The following UBE2R2 variants were observed in gnomAD, a reference collection of about 807,000 sequenced individuals.
The protein encoded by UBE2R2 is ubiquitin-conjugating enzyme E2 R2.
In UBE2R2, 1 loss-of-function variant was observed where a neutral mutation model predicts 27.8. The ratio of observed to expected loss-of-function variants is 0.04; its 90% CI spans 0.01 to 0.17. UBE2R2 has a LOEUF of 0.17. UBE2R2 is among the 10% of genes least tolerant of loss of function. The pLI is 1.00. For missense variants in UBE2R2, 100 were observed against 291.0 expected, an observed-to-expected ratio of 0.34 and a Z score of 4.78; for synonymous variants, 106 against 113.3, an observed-to-expected ratio of 0.94 and a Z score of 0.41.
chr9:33,873,819 T>C (rs1452509184), intron 1 of UBE2R2, among the ~76,000 whole-genome samples: 2 of 151,912 alleles, frequency 1.3e-5, no homozygotes, highest in African/African-American at 4.8e-5. Flanking sequence ...AAAATTACGG[T>C]GTGTGTGGAG....
rs970045420 is a variant in UBE2R2 at position 33,903,960 on chromosome 9, A to G, written c.362+3689A>G. Among the ~76,000 whole-genome samples, 115 of 152,144 alleles carry G rather than the reference A, an allele frequency of 7.6e-4. 1 individual carries two copies. The highest frequency in any genetic ancestry group is 2.5e-3 in the African/African-American group (105 of 41,432). On this transcript the variant is annotated intron_variant, in intron 3 of 4. Transcript: ENST00000263228. ...CTTAGACTTTTTATCACTTAGTTCT[A>G]TGTAATCATTGGGTAGTCCTTCAAC...
intron 1 of UBE2R2, among the ~76,000 whole-genome samples, chr9:33,872,262 G>A (rs2130781135): frequency 6.6e-6 from 1 of 151,618 alleles, no homozygotes; most frequent in African/African-American, 2.4e-5. Flanking sequence ...GCGTGGTGGT[G>A]TATACCTGTA....
intron 1 of UBE2R2, among the ~76,000 whole-genome samples, chr9:33,855,337 T>C (rs1356469324): frequency 6.6e-6 from 1 of 152,194 alleles, no homozygotes; most frequent in African/African-American, 2.4e-5. Flanking sequence ...GACCAAGAAC[T>C]TAAAATAAGC....
chr9:33,915,949 G>A (rs866512288), intron 4 of UBE2R2, among the ~76,000 whole-genome samples: 1 of 152,140 alleles, frequency 6.6e-6, no homozygotes, highest in Non-Finnish European at 1.5e-5. Flanking sequence ...TGTGGGGCAG[G>A]GGAAGAGCAA....
At chr9:33,828,512 C>T (rs931081697) in intron 1 of UBE2R2, among the ~76,000 whole-genome samples, 2 of 151,424 alleles carry the variant, frequency 1.3e-5, no homozygotes, top group Non-Finnish European at 2.9e-5. Context: ...GCCTTAGCCT[C>T]CAAGTAGCTG....
At chr9:33,909,078 A>G (rs1450540934) in intron 3 of UBE2R2, among the ~76,000 whole-genome samples, 4 of 152,198 alleles carry the variant, frequency 2.6e-5, no homozygotes, top group African/African-American at 9.7e-5. Context: ...AGTGCTTAGT[A>G]GCTGCATGTG....
At chr9:33,890,007 A>G (rs2130799120) in intron 2 of UBE2R2, among the ~76,000 whole-genome samples, 1 of 152,302 alleles carries the variant, frequency 6.6e-6, no homozygotes, top group Middle Eastern at 3.4e-3. Flanking sequence ...AAAGCCATAT[A>G]CATACTATTT....
At chr9:33,834,435 C>T (rs1210133274) in intron 1 of UBE2R2, among the ~76,000 whole-genome samples, 2 of 151,836 alleles carry the variant, frequency 1.3e-5, no homozygotes, top group Non-Finnish European at 2.9e-5. Flanking sequence ...TGGTCTCGCA[C>T]TCCTGACCTT....
chr9:33,910,934 C>A (rs1310652125), intron 3 of UBE2R2, among the ~76,000 whole-genome samples: 1 of 152,136 alleles, frequency 6.6e-6, no homozygotes, highest in East Asian at 1.9e-4. Flanking sequence ...GAAACCCTGT[C>A]CCTACTAAAA....
At chr9:33,904,608 A>T (rs1822312775) in intron 3 of UBE2R2, among the ~76,000 whole-genome samples, 3 of 152,224 alleles carry the variant, frequency 2.0e-5, no homozygotes, top group Admixed American at 1.3e-4. Context: ...TCAAGAGTCT[A>T]AGTCAGTCTG....
intron 1 of UBE2R2, among the ~76,000 whole-genome samples, chr9:33,873,294 C>G (rs545876064): frequency 1.3e-4 from 19 of 151,298 alleles, no homozygotes; most frequent in African/African-American, 4.4e-4. Context: ...TGTTTTTTTC[C>G]CCCACCCCTT....
upstream of UBE2R2, among the ~76,000 whole-genome samples, chr9:33,817,137 TCTCCCTCCCTCCCTCC>T (rs1173275925): frequency 1.4e-5 from 2 of 146,982 alleles, no homozygotes; most frequent in Non-Finnish European, 3.0e-5. Context: ...CTCCTCCCTC[TCTCCCTCCCTCCCTCC>T]CTCCCTGCTT....
chr9:33,879,732 C>T (rs1196567727), intron 1 of UBE2R2, among the ~76,000 whole-genome samples: 4 of 146,832 alleles, frequency 2.7e-5, no homozygotes, highest in East Asian at 3.9e-4. Flanking sequence ...GCACAAGCCA[C>T]GGCGCCTGGT....
At position 33,919,729 on chromosome 9, in the gene UBE2R2, T is replaced by G. The variant is rs980986702; in HGVS notation, c.*2492T>G. 6.6e-6 allele frequency: 1 copy of G among 151,602 alleles called. No homozygotes were observed. Among genetic ancestry groups the G allele is most frequent in the African/African-American group, 2.4e-5 (1 of 40,980 alleles). 9.4% of individuals were successfully genotyped at this position (151,602 alleles called of 1,614,324 possible). On this transcript the variant is annotated 3_prime_UTR_variant, in exon 5 of 5. Coordinates refer to ENST00000263228, the MANE Select transcript of UBE2R2 (RefSeq NM_017811.4). ...TGGAAAATACTTGAGTTTGTAATTT[T>G]TTTTCCCCCTTCTGGGAGTGGAGGT... is the stretch of plus-strand genomic sequence containing the variant.
At chr9:33,864,670 C>T (rs561424355) in intron 1 of UBE2R2, among the ~76,000 whole-genome samples, 1 of 151,486 alleles carries the variant, frequency 6.6e-6, no homozygotes, top group Admixed American at 6.6e-5. Flanking sequence ...CCGCTGAAGC[C>T]TCCTGAGTAG....
Position 33,817,528 on chromosome 9 carries a change from C to A in UBE2R2, c.-230C>A. 1 of 253,374 alleles carries A rather than the reference C, an allele frequency of 3.9e-6. No individual in the cohort carries two copies. The highest frequency in any genetic ancestry group is 6.7e-6 in the Non-Finnish European group (1 of 149,908). 15.7% of individuals were successfully genotyped at this position (253,374 alleles called of 1,614,324 possible). On this transcript the variant is annotated 5_prime_UTR_variant, in exon 1 of 5. Coordinates refer to ENST00000263228, the MANE Select transcript of UBE2R2 (RefSeq NM_017811.4). ...AACTCCCTCGACCTCTCCTCTCGCC[C>A]GGCCCGAGTGTGAGGAGAAGGGCCC...
chr9:33,903,806 T>C (rs1019802471), intron 3 of UBE2R2, among the ~76,000 whole-genome samples: 2 of 152,126 alleles, frequency 1.3e-5, no homozygotes, highest in Non-Finnish European at 2.9e-5. Flanking sequence ...CATACTCAAA[T>C]CAAGATTGTT....
intron 3 of UBE2R2, 43 bp from the exon 4 acceptor site, chr9:33,911,921 T>G (rs770823987): frequency 1.3e-6 from 2 of 1,569,720 alleles, no homozygotes; most frequent in African/African-American, 1.4e-5. Flanking sequence ...TTAAATACTG[T>G]AAATATGGGT....
In UBE2R2 at chr9:33,918,344, G is replaced by A. The variant is rs1822707953; in HGVS notation, c.*1107G>A. On this transcript the variant is annotated 3_prime_UTR_variant, in exon 5 of 5. Coordinates refer to ENST00000263228, the MANE Select transcript of UBE2R2 (RefSeq NM_017811.4). The stretch of plus-strand genomic sequence containing the variant: ...GCTTATACTGATAGTGAAAAACTTG[G>A]ATGTGTGTGAGACGAGTTACCGCCT... The A allele has an allele frequency of 6.6e-6, 1 of 151,932 alleles. No homozygotes were observed. Among genetic ancestry groups the A allele is most frequent in the Non-Finnish European group, 1.5e-5 (1 of 68,004 alleles). 9.4% of individuals were successfully genotyped at this position (151,932 alleles called of 1,614,324 possible). A position where few individuals can be genotyped will look rare whatever the true frequency, so the allele number is the denominator to read the frequency against.
Sources: gnomAD v4.1 joint callset for allele counts (sites outside exome capture counted in the v4.1 genomes callset) on GRCh38, gnomAD v4.1.1 for gene constraint, MANE v1.5 for transcripts, NCBI Gene and HGNC (gene_info 2026-07-23, HGNC 2026-07-21) for gene names.